Variants in NOTCH2 observed in about 807,000 individuals in gnomAD.
The protein encoded by NOTCH2 is notch receptor 2, also known as neurogenic locus notch homolog protein 2.
Under a neutral mutation model 235.8 loss-of-function variants are expected in NOTCH2, and 29 were observed. That is an observed-to-expected ratio of 0.12 (90% CI 0.09 to 0.17). NOTCH2 has a LOEUF of 0.17. Among genes scored for constraint, NOTCH2 ranks in the 10% least tolerant of loss-of-function variants. The probability of loss-of-function intolerance (pLI) is 1.00; values close to 1 mark genes in which losing one functional copy is unlikely to be tolerated. For synonymous variants in NOTCH2, 1,086 were observed against 1,141.5 expected, an observed-to-expected ratio of 0.95 and a Z score of 0.98; for missense variants, 2,285 against 3,150.2, an observed-to-expected ratio of 0.73 and a Z score of 6.57.
At chr1:120,028,631 T>C (rs1317656033) in intron 2 of NOTCH2, among the ~76,000 whole-genome samples, 4 of 139,006 alleles carry the variant, frequency 2.9e-5, no homozygotes, top group Non-Finnish European at 6.2e-5. Context: ...ATCTTGTTTA[T>C]AACATTAAAA....
chr1:120,015,393 G>A (rs1381513894), intron 2 of NOTCH2, among the ~76,000 whole-genome samples: 1 of 151,624 alleles, frequency 6.6e-6, no homozygotes, highest in African/African-American at 2.4e-5. Flanking sequence ...TAAGGGCAGG[G>A]GAAAAAACTA....
At chr1:119,932,461 C>T (rs1649700029) in intron 22 of NOTCH2, among the ~76,000 whole-genome samples, 1 of 152,094 alleles carries the variant, frequency 6.6e-6, no homozygotes. Flanking sequence ...GTGGCACATG[C>T]CTGTAATCCC....
intron 4 of NOTCH2, among the ~76,000 whole-genome samples, chr1:119,989,385 C>T (rs782561837): frequency 2.0e-4 from 31 of 151,536 alleles, no homozygotes; most frequent in Non-Finnish European, 4.1e-4. Flanking sequence ...TTATAAATCA[C>T]TTAGAAATAG....
At chr1:119,973,324 T>C (rs1651438770) in intron 5 of NOTCH2, among the ~76,000 whole-genome samples, 1 of 149,226 alleles carries the variant, frequency 6.7e-6, no homozygotes. Flanking sequence ...TAAAACTTGC[T>C]TATTCTAAAA....
chr1:120,041,041 CAAAAAAAAAAA>C (rs71586698), intron 1 of NOTCH2, among the ~76,000 whole-genome samples: 16 of 15,662 alleles, frequency 1.0e-3, no homozygotes, highest in South Asian at 5.3e-3. Flanking sequence ...ACTCTGCCTG[CAAAAAAAAAAA>C]AAAAAAAAAA....
chr1:119,935,639 G>A (rs782370343), intron 21 of NOTCH2, 35 bp from the exon 22 acceptor site: 3 of 1,612,024 alleles, frequency 1.9e-6, no homozygotes, highest in Non-Finnish European at 2.5e-6. Flanking sequence ...AAGAAATATT[G>A]GACCATTACT....
intron 6 of NOTCH2, 108 bp from the exon 7 acceptor site, chr1:119,968,340 C>T: frequency 8.3e-7 from 1 of 1,203,802 alleles, no homozygotes; most frequent in Non-Finnish European, 1.2e-6. Flanking sequence ...TCCTCAGAAT[C>T]CAACATGGAG....
chr1:119,977,614 A>G (rs1651638518), intron 5 of NOTCH2, among the ~76,000 whole-genome samples: 1 of 152,214 alleles, frequency 6.6e-6, no homozygotes, highest in Non-Finnish European at 1.5e-5. Flanking sequence ...TAACCTCAGC[A>G]GTAAAAACAT....
At chr1:119,948,686 C>G in intron 16 of NOTCH2, 120 bp from the exon 17 acceptor site, 1 of 1,217,192 alleles carries the variant, frequency 8.2e-7, no homozygotes. Flanking sequence ...CTGGTTGGCC[C>G]CCTGCTTTAG....
intron 5 of NOTCH2, among the ~76,000 whole-genome samples, chr1:119,981,190 T>A (rs1651799261): frequency 6.6e-6 from 1 of 152,122 alleles, no homozygotes; most frequent in African/African-American, 2.4e-5. Flanking sequence ...ACAGTTCCCA[T>A]CCATTACTCA....
rs2101137087 is a variant in NOTCH2 at position 119,911,637 on chromosome 1, T to C, written c.*3669A>G. ...AATTTATACACAAAATATTATTTTA[T>C]AATCCTGTATATTAAGTTCTACACA... is the stretch of plus-strand genomic sequence containing the variant. On this transcript the variant is annotated 3_prime_UTR_variant, in exon 34 of 34. Coordinates refer to ENST00000256646, the MANE Select transcript of NOTCH2 (RefSeq NM_024408.4). The C allele has an allele frequency of 1.3e-5, 3 of 232,662 alleles. No individual in the cohort carries two copies. In the East Asian group the frequency reaches 1.8e-4, roughly 14 times the overall value. The allele number at this position is 232,662 out of a possible 1,614,324, so 14.4% of individuals were successfully genotyped here.
Position 120,024,051 on chromosome 1 carries a change from A to C in NOTCH2, c.155+5855T>G, listed in dbSNP as rs587715604. Among the ~76,000 whole-genome samples, 27 of 151,712 alleles carry C rather than the reference A, an allele frequency of 1.8e-4. 1 individual carries two copies. In the South Asian group the frequency reaches 5.7e-3, roughly 32 times the overall value. On this transcript the variant is annotated intron_variant, in intron 2 of 33. Transcript: ENST00000256646. Reference sequence around the variant, plus strand: ...GTATTTAATGAGCCAAGAAAACAGCATTCTTTGTTTTATGTTAAAAAGATA... The same window carrying C: ...GTATTTAATGAGCCAAGAAAACAGCCTTCTTTGTTTTATGTTAAAAAGATA...
chr1:119,929,344 G>C, intron 22 of NOTCH2, 132 bp from the exon 23 acceptor site: 2 of 754,606 alleles, frequency 2.7e-6, no homozygotes, highest in Non-Finnish European at 4.7e-6. Flanking sequence ...GGACCTTGTA[G>C]TTGGGCAGGG....
At position 119,941,651 on chromosome 1, in the gene NOTCH2, C is replaced by G. The variant is rs782574952; in HGVS notation, c.2856G>C (p.Glu952Asp). 1.2e-6 allele frequency: 2 copies of G among 1,613,634 alleles called. No individual in the cohort carries two copies. The highest frequency in any genetic ancestry group is 1.7e-6 in the Non-Finnish European group (2 of 1,179,522). ...CATTCTTACAGGGTTCACTCAGACA[C>G]TCATTCATGTCTGTCTGGCACTTAT... The part of the protein sequence containing the change: ...TGDKCQTDMN[E>D]CLSEPCKNGG... Residue 952 changes from glutamate to aspartate, a missense_variant, in exon 18 of 34, where the codon GAG becomes GAC. This residue lies in a region of NOTCH2 where 1,173 missense variants were observed against 1,515.3 expected (regional missense o/e 0.77). Transcript: ENST00000256646.
intron 1 of NOTCH2, among the ~76,000 whole-genome samples, chr1:120,041,059 AAAAAAAAAAAAAATATAT>A (rs1654537302): frequency 8.9e-6 from 1 of 111,818 alleles, no homozygotes; most frequent in African/African-American, 6.4e-5. Flanking sequence ...AAAAAAAAAA[AAAAAAAAAAAAAATATAT>A]ATATATATAT....
Position 119,937,294 on chromosome 1 carries a change from T to G in NOTCH2, c.3510A>C (p.Gly1170=). 1 of 1,613,526 alleles carries G rather than the reference T, an allele frequency of 6.2e-7. No homozygotes were observed. Among genetic ancestry groups the G allele is most frequent in the Non-Finnish European group, 8.5e-7 (1 of 1,180,002 alleles). Reference sequence around the variant, plus strand: ...TCAGTGTCCTCACCTCGCATCTGTATCCACCAATGAAGTCACTGCATGTTG... The same window carrying G: ...TCAGTGTCCTCACCTCGCATCTGTAGCCACCAATGAAGTCACTGCATGTTG... ...HGATCSDFIG[G]YRCECVPGYQ... The change falls in exon 21 of 34, where the codon GGA becomes GGC. Residue 1170 remains glycine, a synonymous_variant. Transcript: ENST00000256646.
intron 22 of NOTCH2, among the ~76,000 whole-genome samples, chr1:119,930,105 T>C (rs1553194926): frequency 6.6e-6 from 1 of 152,220 alleles, no homozygotes; most frequent in African/African-American, 2.4e-5. Context: ...TCCATGATGA[T>C]TGTACAACAA....
intron 5 of NOTCH2, among the ~76,000 whole-genome samples, chr1:119,970,072 A>G (rs587712078): frequency 6.6e-6 from 1 of 152,330 alleles, no homozygotes; most frequent in African/African-American, 2.4e-5. Context: ...AAGTAAGAAG[A>G]GCAAGGAGAG....
At position 119,970,718 on chromosome 1, in the gene NOTCH2, A is replaced by C. The variant is rs111501050; in HGVS notation, c.875-974T>G. ...AATCTGTGATTAACAAAAACAGTAT[A>C]GGGCCAGATCATATGAGCTATAAAA... is the stretch of plus-strand genomic sequence containing the variant. On this transcript the variant is annotated intron_variant, in intron 5 of 33. Transcript: ENST00000256646. Among the ~76,000 whole-genome samples the C allele has an allele frequency of 1.1e-4, 16 of 152,322 alleles. 2 individuals carry two copies. Among genetic ancestry groups the C allele is most frequent in the African/African-American group, 3.8e-4 (16 of 41,592 alleles).
Sources: gnomAD v4.1 joint callset for allele counts (sites outside exome capture counted in the v4.1 genomes callset) on GRCh38, gnomAD v4.1.1 for gene constraint, gnomAD v4.1.1 regional missense constraint, MANE v1.5 for transcripts, NCBI Gene and HGNC (gene_info 2026-07-23, HGNC 2026-07-21) for gene names.